Variants in HS3ST4 observed in about 807,000 individuals in gnomAD.
HS3ST4 encodes heparan sulfate-glucosamine 3-sulfotransferase 4, also known as heparan sulfate glucosamine 3-O-sulfotransferase 4.
A neutral mutation model predicts 29.2 loss-of-function variants in HS3ST4; 17 were observed. The observed-to-expected ratio is 0.58, with a 90% confidence interval of 0.40 to 0.87. HS3ST4 has a LOEUF of 0.87. Ranked by LOEUF, HS3ST4 falls within the 40% of genes least tolerant of loss-of-function variation. The pLI is 0.00. For synonymous variants in HS3ST4, 314 were observed against 285.7 expected (o/e 1.10, Z -1.00); for missense variants, 627 against 634.5 (o/e 0.99, Z 0.13).
At chr16:25,733,487 T>G (rs1439608360) in intron 1 of HS3ST4, among the ~76,000 whole-genome samples, 1 of 152,192 alleles carries the variant, frequency 6.6e-6, no homozygotes, top group Non-Finnish European at 1.5e-5. Context: ...AGTGAGACTC[T>G]GTAAAATGAC....
At chr16:25,825,333 G>T (rs1440953880) in intron 1 of HS3ST4, 8 of 152,278 alleles carry the variant, frequency 5.3e-5, no homozygotes, top group Admixed American at 5.2e-4. Flanking sequence ...TCAGTCAGCA[G>T]ATTGTGGTAC....
intron 1 of HS3ST4, among the ~76,000 whole-genome samples, chr16:25,796,559 A>T (rs1014082272): frequency 6.6e-5 from 10 of 152,202 alleles, no homozygotes; most frequent in Admixed American, 5.2e-4. Flanking sequence ...TTGCAAAAAA[A>T]AATTGTAAAT....
chr16:25,948,589 C>A (rs772549224), intron 1 of HS3ST4, among the ~76,000 whole-genome samples: 1 of 152,098 alleles, frequency 6.6e-6, no homozygotes, highest in East Asian at 1.9e-4. Context: ...ACAATATTGC[C>A]CAGTCTGTAC....
intron 1 of HS3ST4, among the ~76,000 whole-genome samples, chr16:26,065,672 G>T: frequency 6.6e-6 from 1 of 152,144 alleles, no homozygotes; most frequent in East Asian, 1.9e-4. Context: ...CAGTAAGTTT[G>T]GACAGTCAGC....
chr16:25,746,632 A>G (rs1450382467), intron 1 of HS3ST4, among the ~76,000 whole-genome samples: 3 of 151,734 alleles, frequency 2.0e-5, no homozygotes, highest in African/African-American at 7.3e-5. Context: ...GCTCACTGCA[A>G]TCTCTGCCTC....
intron 1 of HS3ST4, among the ~76,000 whole-genome samples, chr16:25,734,189 A>G (rs958755269): frequency 2.0e-5 from 3 of 152,222 alleles, no homozygotes; most frequent in African/African-American, 7.2e-5. Context: ...TTTTCTGGCT[A>G]TGTGTGCAAT....
chr16:26,053,774 T>G (rs1898374058), intron 1 of HS3ST4, among the ~76,000 whole-genome samples: 1 of 152,210 alleles, frequency 6.6e-6, no homozygotes, highest in Admixed American at 6.5e-5. Context: ...TATTCGTTAC[T>G]TGTATTACCA....
intron 1 of HS3ST4, among the ~76,000 whole-genome samples, chr16:25,725,038 T>C (rs1314988217): frequency 2.2e-4 from 3 of 13,686 alleles, no homozygotes; most frequent in African/African-American, 3.6e-4. Flanking sequence ...TCCCTCTTTT[T>C]TTTTTTTTTT....
intron 1 of HS3ST4, among the ~76,000 whole-genome samples, chr16:25,852,845 C>A (rs780018382): frequency 6.6e-6 from 1 of 152,046 alleles, no homozygotes; most frequent in Non-Finnish European, 1.5e-5. Context: ...GAATTTTTAA[C>A]GTTGAAGTTT....
intron 1 of HS3ST4, among the ~76,000 whole-genome samples, chr16:25,975,629 C>T (rs576870824): frequency 6.6e-6 from 1 of 152,132 alleles, no homozygotes; most frequent in Admixed American, 6.5e-5. Context: ...TCTGAGCCAG[C>T]ATCATTTCTT....
At chr16:25,947,282 C>T (rs927120811) in intron 1 of HS3ST4, among the ~76,000 whole-genome samples, 2 of 152,124 alleles carry the variant, frequency 1.3e-5, no homozygotes, top group Non-Finnish European at 2.9e-5. Context: ...TTTAAATCCT[C>T]ATCTCAGAAA....
chr16:26,009,471 G>C (rs1262655929), intron 1 of HS3ST4, among the ~76,000 whole-genome samples: 1 of 152,182 alleles, frequency 6.6e-6, no homozygotes, highest in East Asian at 1.9e-4. Context: ...GTATCAGTCA[G>C]GATAGGCTAG....
intron 1 of HS3ST4, among the ~76,000 whole-genome samples, chr16:25,960,367 A>G (rs965444660): frequency 6.6e-6 from 1 of 152,220 alleles, no homozygotes; most frequent in African/African-American, 2.4e-5. Context: ...GCAACACAAA[A>G]TGGACTAGTA....
chr16:25,771,053 A>G (rs1245057398), intron 1 of HS3ST4, among the ~76,000 whole-genome samples: 2 of 151,980 alleles, frequency 1.3e-5, no homozygotes, highest in East Asian at 1.9e-4. Flanking sequence ...TACACGTGCC[A>G]TGGTGGTTTG....
At chr16:25,926,259 C>G (rs930704376) in intron 1 of HS3ST4, among the ~76,000 whole-genome samples, 1 of 152,232 alleles carries the variant, frequency 6.6e-6, no homozygotes, top group African/African-American at 2.4e-5. Context: ...ACTAATCTCT[C>G]TGTCTCTGTA....
Position 25,931,985 on chromosome 16 carries a change from G to A in HS3ST4, c.735-203627G>A, listed in dbSNP as rs149914349. On this transcript the variant is annotated intron_variant, in intron 1 of 1. Transcript: ENST00000331351. The stretch of plus-strand genomic sequence containing the variant: ...AAAGGCTGAATTTCCCTGGGCTGGA[G>A]GTTTTTTTAAAGGGAAGGAGCAAAA... Among the ~76,000 whole-genome samples, 1,500 of 152,194 alleles carry A rather than the reference G, an allele frequency of 9.9e-3. 22 individuals carry two copies. The highest frequency in any genetic ancestry group is 0.034 in the African/African-American group (1,420 of 41,528).
At chr16:26,051,911 TCCCTTCCTTCCTTCCTTCCTTCCTTCCG>T (rs1898352714) in intron 1 of HS3ST4, among the ~76,000 whole-genome samples, 2 of 63,514 alleles carry the variant, frequency 3.1e-5, no homozygotes, top group African/African-American at 5.8e-5. Flanking sequence ...CCTCCCTCCC[TCCCTTCCTTCCTTCCTTCCTTCCTTCCG>T]TCCTTCCTTC....
At chr16:26,107,070 G>A (rs993845799) in intron 1 of HS3ST4, among the ~76,000 whole-genome samples, 7 of 151,958 alleles carry the variant, frequency 4.6e-5, no homozygotes, top group Non-Finnish European at 8.8e-5. Context: ...GTTATTCTCT[G>A]TTCTGATCTG....
chr16:26,094,242 C>A (rs1026951458), intron 1 of HS3ST4, among the ~76,000 whole-genome samples: 2 of 152,112 alleles, frequency 1.3e-5, no homozygotes, highest in Admixed American at 1.3e-4. Context: ...GGCCAACATT[C>A]AAATTCAGGA....
Sources: gnomAD v4.1 joint callset for allele counts (sites outside exome capture counted in the v4.1 genomes callset) on GRCh38, gnomAD v4.1.1 for gene constraint, MANE v1.5 for transcripts, NCBI Gene and HGNC (gene_info 2026-07-23, HGNC 2026-07-21) for gene names.